The following DPAGT1 variants were observed in gnomAD, a reference collection of about 807,000 sequenced individuals.
The protein encoded by DPAGT1 is UDP-N-acetylglucosamine--dolichyl-phosphate N-acetylglucosaminephosphotransferase.
DPAGT1 carries 25 observed loss-of-function variants against 39.3 expected under a neutral mutation model. The ratio of observed to expected loss-of-function variants is 0.64; its 90% CI spans 0.46 to 0.89. The LOEUF is 0.89. DPAGT1 is among the 40% of genes least tolerant of loss of function. DPAGT1 has a pLI of 0.00. For synonymous variants in DPAGT1, 193 were observed against 201.4 expected, an observed-to-expected ratio of 0.96 and a Z score of 0.36; for missense variants, 381 against 500.6, an observed-to-expected ratio of 0.76 and a Z score of 2.28.
intron 4 of DPAGT1, among the ~76,000 whole-genome samples, chr11:119,098,739 T>C (rs1253290912): frequency 1.3e-5 from 2 of 152,238 alleles, no homozygotes; most frequent in Non-Finnish European, 2.9e-5. Context: ...ATACCAACTT[T>C]ACTTCTTAGC....
chr11:119,094,046 G>A (rs1041127718), downstream of DPAGT1: 2 of 152,738 alleles, frequency 1.3e-5, no homozygotes, highest in African/African-American at 2.4e-5. Flanking sequence ...GGATTGCCGA[G>A]TTGAGTTTGC....
downstream of DPAGT1, chr11:119,094,823 G>T (rs1363865633): frequency 1.0e-5 from 9 of 898,622 alleles, no homozygotes; most frequent in Non-Finnish European, 1.4e-5. Context: ...GGCGAGGGGA[G>T]GGGAGGGGAA....
downstream of DPAGT1, chr11:119,095,587 G>C (rs1946380138): frequency 8.6e-6 from 5 of 584,422 alleles, no homozygotes; most frequent in Middle Eastern, 4.7e-4. Flanking sequence ...TGGGTGTCGC[G>C]GCTCGGCTGA....
downstream of DPAGT1, chr11:119,095,463 G>A (rs980068950): frequency 6.9e-6 from 10 of 1,442,350 alleles, no homozygotes; most frequent in Middle Eastern, 2.6e-4. Context: ...CAGTGTAACT[G>A]CTGTCGCGCG....
Position 119,101,703 on chromosome 11 carries a change from A to C in DPAGT1, c.-48T>G. ...TCCGCCGCCTCTTCAGGTAACGGGCAAGCTGAGCAGCAGTCCTGAGGCCTC... is the reference window on the plus strand; with the variant it reads ...TCCGCCGCCTCTTCAGGTAACGGGCCAGCTGAGCAGCAGTCCTGAGGCCTC... On this transcript the variant is annotated 5_prime_UTR_variant, in exon 1 of 9. Coordinates refer to ENST00000354202, the MANE Select transcript of DPAGT1 (RefSeq NM_001382.4). 3.7e-6 allele frequency: 6 copies of C among 1,613,762 alleles called. No individual in the cohort carries two copies. The highest frequency in any genetic ancestry group is 5.1e-6 in the Non-Finnish European group (6 of 1,179,890).
At chr11:119,095,380 G>T, downstream of DPAGT1, 3 of 1,566,404 alleles carry the variant, frequency 1.9e-6, no homozygotes, top group Non-Finnish European at 2.6e-6. Flanking sequence ...CGCCAGTCTT[G>T]CCGCGGCCCG....
Position 119,100,586 on chromosome 11 carries a change from C to T in DPAGT1, c.496+44G>A, listed in dbSNP as rs540556349. 13 of 1,611,830 alleles carry T rather than the reference C, an allele frequency of 8.1e-6. No individual in the cohort carries two copies. The East Asian group carries it at 1.6e-4, about 19-fold the overall frequency. ...GAATGTGGAGCACCAGGAAGGGTTC[C>T]CTGAAGTAGGTGCCATAGGGGCAGC... is the stretch of plus-strand genomic sequence containing the variant. On this transcript the variant is annotated intron_variant, in intron 3 of 8. Coordinates refer to ENST00000354202, the MANE Select transcript of DPAGT1 (RefSeq NM_001382.4).
downstream of DPAGT1, among the ~76,000 whole-genome samples, chr11:119,095,896 TCCTA>T (rs1946384363): frequency 6.6e-6 from 1 of 152,106 alleles, no homozygotes; most frequent in Admixed American, 6.5e-5. Flanking sequence ...TACTCCCTTC[TCCTA>T]CCTGACAAAG....
chr11:119,099,436 A>G (rs1457914154), intron 4 of DPAGT1, among the ~76,000 whole-genome samples: 348 of 150,688 alleles, frequency 2.3e-3, no homozygotes, highest in African/African-American at 7.7e-3. Context: ...AAAAAAAAAA[A>G]AAAAGAAAAG....
downstream of DPAGT1, chr11:119,095,311 C>G (rs755203949): frequency 1.1e-5 from 18 of 1,609,886 alleles, no homozygotes; most frequent in African/African-American, 1.3e-5. Context: ...GTACACGGCC[C>G]ACTGGGAACT....
At chr11:119,095,197 C>G (rs768785602), downstream of DPAGT1, 4 of 1,613,900 alleles carry the variant, frequency 2.5e-6, no homozygotes, top group Admixed American at 6.7e-5. Flanking sequence ...CATTGCCCGC[C>G]AGCTCCAGGA....
rs1555207796 is a variant in DPAGT1, at chr11:119,100,678, C to T, written c.448G>A (p.Val150Met). The T allele has an allele frequency of 1.1e-5, 17 of 1,614,152 alleles. No homozygotes were observed. Among genetic ancestry groups the T allele is most frequent in the Non-Finnish European group, 1.4e-5 (16 of 1,180,024 alleles). ...YFTNFGNTTI[V>M]VPKPFRPILG... ...ATCGGGCGGAAGGGCTTGGGCACCA[C>T]AATGGTCGTGTTGCCAAAGTTGGTG... Residue 150 changes from valine to methionine, a missense_variant, in exon 3 of 9, where the codon GTG becomes ATG. By Grantham distance (21) the Val-to-Met change is conservative. Transcript: ENST00000354202.
intron 3 of DPAGT1, 29 bp downstream of exon 3, chr11:119,100,601 A>C: frequency 6.2e-6 from 10 of 1,613,470 alleles, no homozygotes; most frequent in Non-Finnish European, 8.5e-6. Flanking sequence ...AGTAGGTGCC[A>C]TAGGGGCAGC....
chr11:119,094,669 C>G, downstream of DPAGT1: 1 of 269,436 alleles, frequency 3.7e-6, no homozygotes, highest in Non-Finnish European at 6.9e-6. Flanking sequence ...CGGAGGTCCC[C>G]GAAGAGCGCC....
chr11:119,099,996 C>T (rs754915874), intron 4 of DPAGT1, among the ~76,000 whole-genome samples: 4 of 152,018 alleles, frequency 2.6e-5, no homozygotes, highest in Non-Finnish European at 5.9e-5. Flanking sequence ...CCCTGTGTAA[C>T]GTTGGGGTTC....
At position 119,097,157 on chromosome 11, in the gene DPAGT1, G is replaced by C. The variant is rs1946411257; in HGVS notation, c.1146C>G (p.Leu382=). 1.2e-6 allele frequency: 2 copies of C among 1,614,032 alleles called. No homozygotes were observed. Among genetic ancestry groups the C allele is most frequent in the Non-Finnish European group, 1.7e-6 (2 of 1,180,044 alleles). Residue 382 remains leucine (L), a synonymous_variant, in exon 8 of 9, where the codon CTC becomes CTG. Transcript: ENST00000354202. The surrounding 1 kb of genome is among the most constrained non-coding windows in gnomAD (Gnocchi z 4.6). ...CCATCCTCACCTGCAGCAGCAGCAG[G>C]AGCAATGTGAGGTTTCTCTCATGTA... ...GPIHERNLTL[L]LLLLQILGSA...
In DPAGT1 at chr11:119,098,297, T is replaced by C. The variant is rs575844965; in HGVS notation, c.728+106A>G. The C allele has an allele frequency of 1.9e-5, 25 of 1,307,850 alleles. No individual in the cohort carries two copies. In the African/African-American group the frequency reaches 2.5e-4, roughly 13 times the overall value. The allele number at this position is 1,307,850 out of a possible 1,614,324, so 81.0% of individuals were successfully genotyped here. On this transcript the variant is annotated intron_variant, in intron 5 of 8. Transcript: ENST00000354202. ...CCAACTGAAGACGCAGAAAACTCCA[T>C]AGAGGTATGCGCAGGTTTAGCTTCA...
chr11:119,097,635 G>C lies in DPAGT1; in HGVS notation c.918-84C>G, dbSNP rs955174507. ...GCTAATAGGAAGAGCATTGAATGTG[G>C]AGTCAACCTGAGATCTATTTCTGGC... On this transcript the variant is annotated intron_variant, in intron 6 of 8. Coordinates refer to ENST00000354202, the MANE Select transcript of DPAGT1 (RefSeq NM_001382.4). This position sits in a 1 kb window ranked among gnomAD's most constrained non-coding sequence, Gnocchi z 4.6. 2.6e-5 allele frequency: 39 copies of C among 1,509,402 alleles called. No individual in the cohort carries two copies. The highest frequency in any genetic ancestry group is 3.5e-5 in the Non-Finnish European group (38 of 1,086,318). 93.5% of individuals were successfully genotyped at this position (1,509,402 alleles called of 1,614,324 possible). A position where few individuals can be genotyped will look rare whatever the true frequency, so the allele number is the denominator to read the frequency against.
Position 119,101,684 on chromosome 11 carries a change from G to T in DPAGT1, c.-29C>A, listed in dbSNP as rs934825511. On this transcript the variant is annotated 5_prime_UTR_variant, in exon 1 of 9. Coordinates refer to ENST00000354202, the MANE Select transcript of DPAGT1 (RefSeq NM_001382.4). ...GACCGGTCAGGGGCCCGGCTCCGCC[G>T]CCTCTTCAGGTAACGGGCAAGCTGA... The T allele has an allele frequency of 6.2e-7, 1 of 1,614,082 alleles. No individual in the cohort carries two copies. Among genetic ancestry groups the T allele is most frequent in the African/African-American group, 1.3e-5 (1 of 75,068 alleles).
Sources: allele counts gnomAD v4.1 joint callset (sites outside exome capture counted in the v4.1 genomes callset), GRCh38; gene constraint gnomAD v4.1.1; non-coding constraint Gnocchi (gnomAD v3.1); transcripts MANE v1.5; gene names NCBI Gene and HGNC (gene_info 2026-07-23, HGNC 2026-07-21).